BRINP3: variants seen among roughly 807,000 people sequenced by gnomAD.
The protein encoded by BRINP3 is BMP/retinoic acid inducible neural specific 3.
Under a neutral mutation model 71.0 loss-of-function variants are expected in BRINP3, and 19 were observed. The observed-to-expected ratio is 0.27, with a 90% confidence interval of 0.19 to 0.39. BRINP3 has a LOEUF of 0.39. BRINP3 is among the 10% of genes least tolerant of loss of function. The probability of loss-of-function intolerance (pLI) is 1.00; values close to 1 mark genes in which losing one functional copy is unlikely to be tolerated. For missense variants in BRINP3, 959 were observed against 940.8 expected, an observed-to-expected ratio of 1.02 and a Z score of -0.25; for synonymous variants, 380 against 337.7, an observed-to-expected ratio of 1.13 and a Z score of -1.37.
chr1:190,135,358 T>A (rs1654884530), intron 7 of BRINP3, among the ~76,000 whole-genome samples: 1 of 152,116 alleles, frequency 6.6e-6, no homozygotes, highest in South Asian at 2.1e-4. Flanking sequence ...CTTCCATTTG[T>A]TAGTAGAATT....
chr1:190,189,625 A>G (rs1653855239), intron 6 of BRINP3, among the ~76,000 whole-genome samples: 1 of 151,966 alleles, frequency 6.6e-6, no homozygotes, highest in South Asian at 2.1e-4. Flanking sequence ...ATTTAAATCT[A>G]TTAAATTTCT....
chr1:190,299,676 A>G (rs979824469), intron 2 of BRINP3, among the ~76,000 whole-genome samples: 1 of 147,328 alleles, frequency 6.8e-6, no homozygotes, highest in African/African-American at 2.5e-5. Flanking sequence ...GAGTGAGAAT[A>G]TGCCACCGCA....
At chr1:190,223,029 T>C (rs12742833) in intron 6 of BRINP3, among the ~76,000 whole-genome samples, 58,421 of 151,620 alleles carry the variant, frequency 0.39, 12,636 homozygotes, top group Non-Finnish European at 0.49. Context: ...AAAGAGATAA[T>C]TCAAAGTCTT....
chr1:190,304,813 A>C (rs935923502), intron 2 of BRINP3, among the ~76,000 whole-genome samples: 5 of 151,856 alleles, frequency 3.3e-5, no homozygotes, highest in African/African-American at 1.2e-4. Context: ...ACTTCCGACA[A>C]AGTGAAGAGA....
At chr1:190,444,271 A>AAAAT (rs1558292221) in intron 2 of BRINP3, among the ~76,000 whole-genome samples, 1 of 133,268 alleles carries the variant, frequency 7.5e-6, no homozygotes, top group African/African-American at 2.7e-5. Context: ...AAAAAAAAAA[A>AAAAT]TCCCTTTGTT....
chr1:190,165,803 G>A (rs1651480670), intron 6 of BRINP3, among the ~76,000 whole-genome samples: 1 of 152,020 alleles, frequency 6.6e-6, no homozygotes, highest in Admixed American at 6.6e-5. Flanking sequence ...GTGGGAATGT[G>A]AGTGAGAAGA....
chr1:190,179,617 C>A (rs1652852219), intron 6 of BRINP3, among the ~76,000 whole-genome samples: 1 of 152,078 alleles, frequency 6.6e-6, no homozygotes. Context: ...AAAATGAATA[C>A]TGAATTTTCA....
At chr1:190,188,937 T>G (rs1454273849) in intron 6 of BRINP3, among the ~76,000 whole-genome samples, 1 of 152,070 alleles carries the variant, frequency 6.6e-6, no homozygotes, top group Non-Finnish European at 1.5e-5. Flanking sequence ...ATTTTTGTAT[T>G]TTTAGTGGAG....
intron 1 of BRINP3, among the ~76,000 whole-genome samples, chr1:190,461,092 C>T (rs143310082): frequency 1.5e-3 from 226 of 152,238 alleles, no homozygotes; most frequent in African/African-American, 5.2e-3. Flanking sequence ...AAATCCTTTA[C>T]CCCCAATTAT....
chr1:190,098,111 A>C lies in BRINP3; in HGVS notation c.2208T>G (p.Thr736=). The C allele has an allele frequency of 6.2e-7, 1 of 1,614,184 alleles. No individual in the cohort carries two copies. The highest frequency in any genetic ancestry group is 8.5e-7 in the Non-Finnish European group (1 of 1,180,030). ...CAGATTGGATCCTCACCACCTCACTAGTAGACAGCTTGAGTCTATGACGAA... is the reference window on the plus strand; with the variant it reads ...CAGATTGGATCCTCACCACCTCACTCGTAGACAGCTTGAGTCTATGACGAA... ...CLLRHRLKLS[T]SEVVRIQSAL... The change falls in exon 8 of 8, where the codon ACT becomes ACG. Residue 736 remains threonine, a synonymous_variant. Coordinates refer to ENST00000367462, the MANE Select transcript of BRINP3 (RefSeq NM_199051.3).
intron 7 of BRINP3, among the ~76,000 whole-genome samples, chr1:190,140,351 A>C (rs1655331766): frequency 6.6e-6 from 1 of 152,118 alleles, no homozygotes; most frequent in Non-Finnish European, 1.5e-5. Context: ...AAGAAGATGC[A>C]AAATCTACAA....
chr1:190,388,606 A>AT (rs908501313), intron 2 of BRINP3, among the ~76,000 whole-genome samples: 1 of 151,734 alleles, frequency 6.6e-6, no homozygotes, highest in Non-Finnish European at 1.5e-5. Context: ...ATCCTCCTCC[A>AT]TGTCCTTCAG....
At position 190,359,131 on chromosome 1, in the gene BRINP3, G is replaced by A. The variant is rs188218646; in HGVS notation, c.237-77381C>T. On this transcript the variant is annotated intron_variant, in intron 2 of 7. Transcript: ENST00000367462. ...CATATGTAACAAACTTGCACATTGC[G>A]CACAGGTACCCTAAAACTTAAAGTA... Among the ~76,000 whole-genome samples the A allele has an allele frequency of 1.6e-3, 242 of 151,748 alleles. 1 individual carries two copies. Among genetic ancestry groups the A allele is most frequent in the African/African-American group, 5.5e-3 (228 of 41,392 alleles).
chr1:190,367,964 T>A (rs1050297147), intron 2 of BRINP3, among the ~76,000 whole-genome samples: 11 of 152,162 alleles, frequency 7.2e-5, no homozygotes, highest in African/African-American at 1.9e-4. Context: ...CATTTTCCTA[T>A]CTTCTTCTGA....
intron 3 of BRINP3, among the ~76,000 whole-genome samples, chr1:190,275,309 T>C (rs1041660844): frequency 6.6e-6 from 1 of 151,638 alleles, no homozygotes; most frequent in Non-Finnish European, 1.5e-5. Context: ...TTTAAGATTA[T>C]TTCTCAGAAC....
chr1:190,445,211 A>G (rs1286626168), intron 2 of BRINP3, among the ~76,000 whole-genome samples: 1 of 152,148 alleles, frequency 6.6e-6, no homozygotes, highest in East Asian at 1.9e-4. Context: ...GATTGGTCTA[A>G]TTATGGATAT....
At chr1:190,195,778 A>G (rs950566093) in intron 6 of BRINP3, among the ~76,000 whole-genome samples, 2 of 151,938 alleles carry the variant, frequency 1.3e-5, no homozygotes, top group Non-Finnish European at 2.9e-5. Context: ...TAATTAAATA[A>G]TTTTTACTGA....
At chr1:190,295,626 C>A (rs976439107) in intron 2 of BRINP3, among the ~76,000 whole-genome samples, 2 of 152,060 alleles carry the variant, frequency 1.3e-5, no homozygotes, top group South Asian at 4.2e-4. Context: ...GTGGCAGATT[C>A]CTCTCTGGTG....
intron 2 of BRINP3, among the ~76,000 whole-genome samples, chr1:190,327,360 A>T (rs1420662052): frequency 1.4e-5 from 2 of 144,002 alleles, no homozygotes; most frequent in African/African-American, 2.5e-5. Flanking sequence ...AGGAAAAAAA[A>T]AAAAGAAAGA....
Sources: allele counts gnomAD v4.1 joint callset (sites outside exome capture counted in the v4.1 genomes callset), GRCh38; gene constraint gnomAD v4.1.1; transcripts MANE v1.5; gene names NCBI Gene and HGNC (gene_info 2026-07-23, HGNC 2026-07-21).